Variants in HIF3A observed in about 807,000 individuals in gnomAD.
The protein encoded by HIF3A is hypoxia-inducible factor 3-alpha.
Under a neutral mutation model 67.2 loss-of-function variants are expected in HIF3A, and 41 were observed. That is an observed-to-expected ratio of 0.61 (90% CI 0.48 to 0.79). The LOEUF (loss-of-function observed/expected upper bound fraction) is 0.79, where lower values mean the gene tolerates loss of function less well. Ranked by LOEUF, HIF3A falls within the 30% of genes least tolerant of loss-of-function variation. HIF3A has a pLI of 0.00. For synonymous variants in HIF3A, 356 were observed against 374.8 expected, an observed-to-expected ratio of 0.95 and a Z score of 0.58; for missense variants, 855 against 898.0, an observed-to-expected ratio of 0.95 and a Z score of 0.61.
At chr19:46,313,156 C>A in intron 8 of HIF3A, 3 of 538,928 alleles carry the variant, frequency 5.6e-6, no homozygotes, top group Non-Finnish European at 4.7e-6. Flanking sequence ...GAGGCTGAGG[C>A]ACGAGAATCA....
chr19:46,310,320 A>G (rs1378060879), intron 6 of HIF3A, among the ~76,000 whole-genome samples: 4 of 152,078 alleles, frequency 2.6e-5, no homozygotes, highest in Non-Finnish European at 5.9e-5. Context: ...AATTGAGCCC[A>G]GGAGGTTGAG....
chr19:46,308,205 CT>C lies in HIF3A; in HGVS notation c.364-15del. On this transcript the variant is annotated splice_polypyrimidine_tract_variant and intron_variant, in intron 3 of 14. Transcript: ENST00000377670. ...CAGAAGCCCTGGTAGACCCCCACCC[CT>C]CTCATCCCTGGCAGCTGGAGCTCAT... is the stretch of plus-strand genomic sequence containing the variant. 6.3e-7 allele frequency: 1 copy of C among 1,592,802 alleles called. No homozygotes were observed. Among genetic ancestry groups the C allele is most frequent in the Non-Finnish European group, 8.6e-7 (1 of 1,160,614 alleles).
Position 46,318,712 on chromosome 19 carries a change from T to G in HIF3A, c.1026-1731T>G, listed in dbSNP as rs189729221. On this transcript the variant is annotated intron_variant, in intron 8 of 14. Transcript: ENST00000377670. ...CTCGGCTCACTGCAGCTTCCACCTC[T>G]GGGGTTCAAGTGATTCTCCTGCCTC... Among the ~76,000 whole-genome samples the G allele has an allele frequency of 8.6e-4, 130 of 151,840 alleles. 2 individuals are homozygous for G. The East Asian group carries it at 0.024, about 28-fold the overall frequency.
intron 1 of HIF3A, 114 bp from the exon 2 acceptor site, chr19:46,303,784 C>A: frequency 6.7e-7 from 1 of 1,493,062 alleles, no homozygotes. Context: ...CCTGCGCAGC[C>A]GCGGCCCAGC....
chr19:46,321,846 C>A lies in HIF3A; in HGVS notation c.1215C>A (p.Asp405Glu), dbSNP rs771967017. ...TGAGCGAGGCTGCCCTGGCCGCTGACCCCCGCCGTTTCTGCAGCCCTGACC... is the reference window on the plus strand; with the variant it reads ...TGAGCGAGGCTGCCCTGGCCGCTGAACCCCGCCGTTTCTGCAGCCCTGACC... ...PSLSEAALAA[D>E]PRRFCSPDLR... Residue 405 changes from aspartate to glutamate, a missense_variant, in exon 10 of 15, where the codon GAC becomes GAA. Physicochemically the swap from Asp to Glu is conservative, Grantham distance 45. Coordinates refer to ENST00000377670, the MANE Select transcript of HIF3A (RefSeq NM_152795.4). The A allele has an allele frequency of 1.1e-5, 18 of 1,613,862 alleles. No individual in the cohort carries two copies. In the Admixed American group the frequency reaches 1.3e-4, roughly 12 times the overall value.
At chr19:46,300,099 A>G (rs1411346044) in intron 1 of HIF3A, among the ~76,000 whole-genome samples, 1 of 152,174 alleles carries the variant, frequency 6.6e-6, no homozygotes, top group Non-Finnish European at 1.5e-5. Flanking sequence ...CTTTAAAAGG[A>G]GAGATCACTT....
chr19:46,328,385 C>G (rs1970943684), intron 11 of HIF3A, among the ~76,000 whole-genome samples: 1 of 152,150 alleles, frequency 6.6e-6, no homozygotes, highest in Admixed American at 6.5e-5. Context: ...TCTTCAAAAC[C>G]TTCAAGTACT....
intron 13 of HIF3A, 87 bp from the exon 14 acceptor site, chr19:46,334,818 A>T (rs1971489621): frequency 9.1e-7 from 1 of 1,103,204 alleles, no homozygotes; most frequent in African/African-American, 1.5e-5. Flanking sequence ...AGCCCCCGAA[A>T]GTGCTGGGAT....
At chr19:46,307,735 G>A (rs1227214862) in intron 3 of HIF3A, among the ~76,000 whole-genome samples, 8 of 148,058 alleles carry the variant, frequency 5.4e-5, no homozygotes, top group Non-Finnish European at 1.2e-4. Context: ...GCAACAGAGC[G>A]AGACTCCATC....
chr19:46,314,476 A>G (rs911278408), intron 8 of HIF3A, among the ~76,000 whole-genome samples: 4 of 147,688 alleles, frequency 2.7e-5, no homozygotes, highest in African/African-American at 7.4e-5. Flanking sequence ...CATGCATGCA[A>G]TTGTGTAACC....
chr19:46,334,951 C>A lies in HIF3A; in HGVS notation c.1877C>A (p.Pro626His). Residue 626 changes from proline (P) to histidine (H), a missense_variant, in exon 14 of 15, where the codon CCC (proline) becomes CAC (histidine). Coordinates refer to ENST00000377670, the MANE Select transcript of HIF3A (RefSeq NM_152795.4). ...CCAGCCCCAGGGAGCCTGCAGGACC[C>A]CAGCACCCCACTCCTGAACCTGAAT... ...GGPAPGSLQD[P>H]STPLLNLNEP... is the part of the protein sequence containing the mutation. The A allele has an allele frequency of 6.2e-7, 1 of 1,608,440 alleles. No individual in the cohort carries two copies. Among genetic ancestry groups the A allele is most frequent in the Non-Finnish European group, 8.5e-7 (1 of 1,177,466 alleles).
intron 8 of HIF3A, among the ~76,000 whole-genome samples, chr19:46,317,653 A>G (rs1180345686): frequency 6.6e-6 from 1 of 151,846 alleles, no homozygotes; most frequent in East Asian, 1.9e-4. Flanking sequence ...CCCCTACATG[A>G]GCTCAGGTGT....
intron 1 of HIF3A, 44 bp from the exon 2 acceptor site, chr19:46,303,854 C>A: frequency 6.3e-7 from 1 of 1,582,158 alleles, no homozygotes. Flanking sequence ...TCCTCCTTTT[C>A]TCTTTCCCGA....
chr19:46,303,525 C>A, intron 1 of HIF3A: 1 of 1,215,696 alleles, frequency 8.2e-7, no homozygotes, highest in Non-Finnish European at 1.1e-6. Context: ...TGGCCCCTGG[C>A]CAGCTCAGCC....
At chr19:46,325,145 T>C (rs1040883990) in intron 10 of HIF3A, among the ~76,000 whole-genome samples, 2 of 151,172 alleles carry the variant, frequency 1.3e-5, no homozygotes, top group East Asian at 2.0e-4. Flanking sequence ...CACAGATGTG[T>C]GCCACCACAC....
intron 6 of HIF3A, chr19:46,310,702 C>T (rs111880227): frequency 9.7e-6 from 4 of 411,500 alleles, no homozygotes; most frequent in Non-Finnish European, 1.9e-5. Context: ...GTGAGTTTCC[C>T]GGTGCAAAGC....
intron 1 of HIF3A, chr19:46,298,621 G>A (rs904539958): frequency 1.2e-5 from 10 of 861,718 alleles, no homozygotes; most frequent in African/African-American, 3.6e-5. Flanking sequence ...TGGTGGGTAC[G>A]GCTTGCAGCC....
Position 46,321,868 on chromosome 19 carries a change from G to A in HIF3A, c.1237G>A (p.Asp413Asn), listed in dbSNP as rs1254520833. Reference sequence around the variant, plus strand: ...TGACCCCCGCCGTTTCTGCAGCCCTGACCTCCGTCGCCTCCTGGGACCCAT... The same window carrying A: ...TGACCCCCGCCGTTTCTGCAGCCCTAACCTCCGTCGCCTCCTGGGACCCAT... Reference protein sequence around the residue: ...AADPRRFCSPDLRRLLGPILD... With the variant: ...AADPRRFCSPNLRRLLGPILD... Residue 413 changes from aspartate (D) to asparagine (N), a missense_variant, in exon 10 of 15, where the codon GAC (aspartate) becomes AAC (asparagine). Around this residue, in one of 3 missense-constraint regions of HIF3A, gnomAD observed 638 missense variants for 660.5 expected, o/e 0.97. Transcript: ENST00000377670. 6.2e-7 allele frequency: 1 copy of A among 1,614,016 alleles called. No homozygotes were observed. The highest frequency in any genetic ancestry group is 1.7e-5 in the Admixed American group (1 of 60,016).
At chr19:46,317,771 T>C (rs1243930254) in intron 8 of HIF3A, among the ~76,000 whole-genome samples, 2 of 152,158 alleles carry the variant, frequency 1.3e-5, no homozygotes, top group Admixed American at 6.6e-5. Context: ...CCTTCTTCGA[T>C]CGTCCTTTTC....
Sources: gnomAD v4.1 joint callset for allele counts (sites outside exome capture counted in the v4.1 genomes callset) on GRCh38, gnomAD v4.1.1 for gene constraint, gnomAD v4.1.1 regional missense constraint, MANE v1.5 for transcripts, NCBI Gene and HGNC (gene_info 2026-07-23, HGNC 2026-07-21) for gene names.